INTS12: variants seen among roughly 807,000 people sequenced by gnomAD.
INTS12 encodes integrator complex subunit 12.
A neutral mutation model predicts 41.6 loss-of-function variants in INTS12; 13 were observed. The observed-to-expected ratio is 0.31, with a 90% CI of 0.20 to 0.50. The LOEUF is 0.50. Ranked by LOEUF, INTS12 falls within the 20% of genes least tolerant of loss-of-function variation. The probability of loss-of-function intolerance (pLI) is 0.98; values close to 1 mark genes in which losing one functional copy is unlikely to be tolerated. For missense variants in INTS12, 432 were observed against 541.6 expected (o/e 0.80, Z 2.01); for synonymous variants, 199 against 191.4 (o/e 1.04, Z -0.33).
In INTS12 at chr4:105,708,679, C is replaced by CA; in HGVS notation, c.-214_-213insT. 1 of 879,162 alleles carries CA rather than the reference C, an allele frequency of 1.1e-6. No individual in the cohort carries two copies. The highest frequency in any genetic ancestry group is 1.4e-6 in the Non-Finnish European group (1 of 733,064). 54.5% of individuals were successfully genotyped at this position (879,162 alleles called of 1,614,324 possible). A position where few individuals can be genotyped will look rare whatever the true frequency, so the allele number is the denominator to read the frequency against. ...GCCGATCCGTCTGTTCCCGGTGGTC[C>CA]CTTCGGAAACGGTTCCCGCACTGGC... On this transcript the variant is annotated 5_prime_UTR_variant, in exon 1 of 8. Transcript: ENST00000340139.
At chr4:105,686,903 C>A in intron 6 of INTS12, 65 bp from the exon 7 acceptor site, 2 of 1,384,152 alleles carry the variant, frequency 1.4e-6, no homozygotes, top group South Asian at 1.2e-5. Context: ...AGATAATAAT[C>A]CCTCACAGGA....
Position 105,695,416 on chromosome 4 carries a change from C to A in INTS12, c.309+100G>T, listed in dbSNP as rs1164694389. The A allele has an allele frequency of 1.1e-5, 9 of 806,752 alleles. No homozygotes were observed. The East Asian group carries it at 1.9e-4, about 17-fold the overall frequency. The allele number at this position is 806,752 out of a possible 1,614,324, so 50.0% of individuals were successfully genotyped here. Reference sequence around the variant, plus strand: ...GAGTGTTGATTATTATATACCTATACCCATTATTATATAAAAGAAATAGGC... The same window carrying A: ...GAGTGTTGATTATTATATACCTATAACCATTATTATATAAAAGAAATAGGC... On this transcript the variant is annotated intron_variant, in intron 4 of 7. Transcript: ENST00000340139.
At position 105,699,994 on chromosome 4, in the gene INTS12, A is replaced by G. The variant is rs375108724; in HGVS notation, c.12T>C (p.Thr4=). The G allele has an allele frequency of 3.3e-6, 5 of 1,510,090 alleles. No homozygotes were observed. In the African/African-American group the frequency reaches 6.9e-5, roughly 21 times the overall value. 93.5% of individuals were successfully genotyped at this position (1,510,090 alleles called of 1,614,324 possible). A position where few individuals can be genotyped will look rare whatever the true frequency, so the allele number is the denominator to read the frequency against. The change falls in exon 3 of 8, where the codon ACT becomes ACC. Residue 4 remains threonine, a synonymous_variant. Transcript: ENST00000340139. MAA[T]VNLELDPIFL... ...AAATGGGATCAAGTTCCAAGTTCAC[A>G]GTAGCAGCCATTGCAAACGCCTGAA...
chr4:105,692,659 G>A (rs1029302656), intron 5 of INTS12, among the ~76,000 whole-genome samples: 1 of 150,500 alleles, frequency 6.6e-6, no homozygotes. Context: ...TATATAGAAT[G>A]CCTTAATTAA....
In INTS12 at chr4:105,687,011, C is replaced by T. The variant is rs186384591; in HGVS notation, c.658-173G>A. On this transcript the variant is annotated intron_variant, in intron 6 of 7. Coordinates refer to ENST00000340139, the MANE Select transcript of INTS12 (RefSeq NM_020395.4). ...GACAAATTATTATCATATTAATGGT[C>T]TTACAGATTGTATTAGTTTCTAAAC... The T allele has an allele frequency of 5.1e-3, 3,091 of 609,764 alleles. 14 individuals are homozygous for T. Among genetic ancestry groups the T allele is most frequent in the Non-Finnish European group, 7.4e-3 (2,597 of 349,872 alleles). 37.8% of individuals were successfully genotyped at this position (609,764 alleles called of 1,614,324 possible).
intron 5 of INTS12, among the ~76,000 whole-genome samples, chr4:105,692,683 C>T (rs1731732910): frequency 6.6e-6 from 1 of 152,044 alleles, no homozygotes; most frequent in African/African-American, 2.4e-5. Context: ...TGGCTATTTT[C>T]TCGTCATTTC....
Position 105,699,881 on chromosome 4 carries a change from C to A in INTS12, c.125G>T (p.Gly42Val). ...KALLDESLAR[G>V]IDSSYRPSQK... ...AGATGGACGGTAACTGGAATCAATG[C>A]CCCGAGCCAAAGATTCATCAAGCAG... Residue 42 changes from glycine to valine, a missense_variant, in exon 3 of 8, where the codon GGC becomes GTC. By Grantham distance (109) the Gly-to-Val change is moderately radical. Coordinates refer to ENST00000340139, the MANE Select transcript of INTS12 (RefSeq NM_020395.4). 1.3e-6 allele frequency: 2 copies of A among 1,543,304 alleles called. No individual in the cohort carries two copies. Among genetic ancestry groups the A allele is most frequent in the Non-Finnish European group, 1.8e-6 (2 of 1,132,236 alleles).
chr4:105,696,976 T>C (rs1731889205), intron 3 of INTS12, among the ~76,000 whole-genome samples: 1 of 152,266 alleles, frequency 6.6e-6, no homozygotes, highest in South Asian at 2.1e-4. Flanking sequence ...CAAGTGTTCA[T>C]ATGGCATACA....
At chr4:105,685,672 A>G (rs1458158634) in intron 7 of INTS12, among the ~76,000 whole-genome samples, 1 of 151,636 alleles carries the variant, frequency 6.6e-6, no homozygotes, top group Non-Finnish European at 1.5e-5. Context: ...TTTTTTTTTA[A>G]TATTTTTTCT....
chr4:105,704,000 AT>A (rs2149192896), intron 1 of INTS12, among the ~76,000 whole-genome samples, 191 bp from the exon 2 acceptor site: 1 of 147,810 alleles, frequency 6.8e-6, no homozygotes, highest in Non-Finnish European at 1.5e-5. Context: ...CCTATGGATT[AT>A]TTCCCATATC....
chr4:105,695,662 C>T lies in INTS12; in HGVS notation c.163G>A (p.Glu55Lys). 2.5e-6 allele frequency: 4 copies of T among 1,610,840 alleles called. No homozygotes were observed. Among genetic ancestry groups the T allele is most frequent in the Non-Finnish European group, 2.5e-6 (3 of 1,178,930 alleles). Residue 55 changes from glutamate (E) to lysine (K), a missense_variant, in exon 4 of 8, where the codon GAG becomes AAG. Glu to Lys is a moderately conservative substitution (Grantham distance 56). This residue lies in a region of INTS12 where 168 missense variants were observed against 198.9 expected (regional missense o/e 0.84). Coordinates refer to ENST00000340139, the MANE Select transcript of INTS12 (RefSeq NM_020395.4). ...TTTGTGCTTGAAATTTTGGGTGGCT[C>T]CACATCCTAAAAGATGAAAAAAGGT... is the stretch of plus-strand genomic sequence containing the variant. ...SSYRPSQKDV[E>K]PPKISSTKNI...
rs973397008 is a variant in INTS12 at position 105,683,475 on chromosome 4, T to C, written c.805-158A>G. On this transcript the variant is annotated intron_variant, in intron 7 of 7. Coordinates refer to ENST00000340139, the MANE Select transcript of INTS12 (RefSeq NM_020395.4). ...ACACAGAACAAAACTTATCTGTATC[T>C]AGTGGGTATTATCATTTGCAAAGCA... Among the ~76,000 whole-genome samples the C allele has an allele frequency of 2.0e-5, 3 of 152,196 alleles. No homozygotes were observed. In the East Asian group the frequency reaches 5.8e-4, roughly 29 times the overall value.
In INTS12 at chr4:105,691,972, C is replaced by A; in HGVS notation, c.657+4G>T. ...TTTAAAATAAAGAAAAATATGATTC[C>A]TACCATTCTTTTCATTTGTCTGGTA... On this transcript the variant is annotated splice_donor_region_variant and intron_variant, in intron 6 of 7. Transcript: ENST00000340139. 6.6e-7 allele frequency: 1 copy of A among 1,525,704 alleles called. No homozygotes were observed. The highest frequency in any genetic ancestry group is 8.8e-7 in the Non-Finnish European group (1 of 1,136,220). The allele number at this position is 1,525,704 out of a possible 1,614,324, so 94.5% of individuals were successfully genotyped here.
In INTS12 at chr4:105,692,039, C is replaced by G; in HGVS notation, c.594G>C (p.Lys198Asn). The G allele has an allele frequency of 6.2e-7, 1 of 1,609,870 alleles. No homozygotes were observed. The highest frequency in any genetic ancestry group is 8.5e-7 in the Non-Finnish European group (1 of 1,178,240). The change falls in exon 6 of 8, where the codon AAG (lysine) becomes AAC (asparagine). Residue 198 changes from lysine to asparagine, a missense_variant. Lys to Asn is a moderately conservative substitution (Grantham distance 94). This residue lies in a region of INTS12 where 258 missense variants were observed against 309.9 expected (regional missense o/e 0.83). Coordinates refer to ENST00000340139, the MANE Select transcript of INTS12 (RefSeq NM_020395.4). ...ACACCAGGCGAGGGTCATTCGCTTC[C>G]TTGTCTGTCACCTGGGGTTTATGAC... ...RDCHKPQVTDKEANDPRLVWY... is the reference protein window; with the variant it reads ...RDCHKPQVTDNEANDPRLVWY...
intron 2 of INTS12, among the ~76,000 whole-genome samples, chr4:105,703,340 T>C (rs1732149930): frequency 6.6e-6 from 1 of 152,238 alleles, no homozygotes; most frequent in East Asian, 1.9e-4. Flanking sequence ...GTGGTAGTAG[T>C]AGTATTGATA....
chr4:105,704,011 CTTCT>C (rs1732175507), intron 1 of INTS12, among the ~76,000 whole-genome samples: 1 of 149,282 alleles, frequency 6.7e-6, no homozygotes, highest in South Asian at 2.1e-4. Context: ...TTTCCCATAT[CTTCT>C]TTTTTTTTTT....
Position 105,708,674 on chromosome 4 carries a change from T to C in INTS12, c.-208A>G. Reference sequence around the variant, plus strand: ...GCCCTGCCGATCCGTCTGTTCCCGGTGGTCCCTTCGGAAACGGTTCCCGCA... The same window carrying C: ...GCCCTGCCGATCCGTCTGTTCCCGGCGGTCCCTTCGGAAACGGTTCCCGCA... On this transcript the variant is annotated 5_prime_UTR_variant, in exon 1 of 8. Transcript: ENST00000340139. 1 of 915,140 alleles carries C rather than the reference T, an allele frequency of 1.1e-6. No homozygotes were observed. The highest frequency in any genetic ancestry group is 1.3e-6 in the Non-Finnish European group (1 of 765,950). 56.7% of individuals were successfully genotyped at this position (915,140 alleles called of 1,614,324 possible).
chr4:105,684,422 T>G (rs1253345705), intron 7 of INTS12, among the ~76,000 whole-genome samples: 1 of 152,118 alleles, frequency 6.6e-6, no homozygotes, highest in African/African-American at 2.4e-5. Context: ...ACCTAAAATA[T>G]ATCCAGTTAT....
intron 3 of INTS12, among the ~76,000 whole-genome samples, chr4:105,697,553 T>C (rs996677898): frequency 2.0e-5 from 3 of 152,138 alleles, no homozygotes; most frequent in Admixed American, 6.5e-5. Flanking sequence ...TAAACAGTTA[T>C]ATTAGAACAC....
Sources: allele counts gnomAD v4.1 joint callset (sites outside exome capture counted in the v4.1 genomes callset), GRCh38; gene constraint gnomAD v4.1.1; regional missense constraint gnomAD v4.1.1; transcripts MANE v1.5; gene names NCBI Gene and HGNC (gene_info 2026-07-23, HGNC 2026-07-21).